The following CYP2J2 variants were observed in gnomAD, a reference collection of about 807,000 sequenced individuals.
The protein encoded by CYP2J2 is cytochrome P450 2J2.
Under a neutral mutation model 48.8 loss-of-function variants are expected in CYP2J2, and 41 were observed. The observed-to-expected ratio is 0.84, with a 90% CI of 0.66 to 1.09. The LOEUF (loss-of-function observed/expected upper bound fraction) is 1.09. Ranked by LOEUF, CYP2J2 falls within the 50% of genes least tolerant of loss-of-function variation. CYP2J2 has a pLI of 0.00. For synonymous variants in CYP2J2, 221 were observed against 227.1 expected (o/e 0.97, Z 0.24); for missense variants, 644 against 617.3 (o/e 1.04, Z -0.46).
At chr1:59,946,522 G>T in the CYP2J2 span, among the ~76,000 whole-genome samples, 2 of 152,186 alleles carry the variant, frequency 1.3e-5, no homozygotes, top group African/African-American at 4.8e-5. Context: ...TAGAATGTGA[G>T]CTCCATGAGG....
chr1:59,947,003 C>T, the CYP2J2 span, among the ~76,000 whole-genome samples: 2 of 151,530 alleles, frequency 1.3e-5, no homozygotes, highest in South Asian at 2.1e-4. Context: ...GATGGGAAAA[C>T]GAAGACATAG....
the CYP2J2 span, among the ~76,000 whole-genome samples, chr1:59,938,676 C>T: frequency 5.3e-5 from 8 of 152,310 alleles, no homozygotes; most frequent in East Asian, 3.9e-4. Context: ...AGACCTTCCT[C>T]TATCTCAACT....
chr1:59,942,588 A>G, the CYP2J2 span, among the ~76,000 whole-genome samples: 1 of 152,052 alleles, frequency 6.6e-6, no homozygotes, highest in Admixed American at 6.6e-5. Context: ...AAGGAGTGAC[A>G]TGATCTGATT....
At chr1:59,931,470 A>AT (rs202198893), upstream of CYP2J2, among the ~76,000 whole-genome samples, 674 of 152,000 alleles carry the variant, frequency 4.4e-3, 3 homozygotes, top group African/African-American at 0.015. Flanking sequence ...CATTGTGTAC[A>AT]TTTTTTTTAA....
intron 5 of CYP2J2, 24 bp from the exon 6 acceptor site, chr1:59,907,951 T>G (rs1431548103): frequency 6.2e-7 from 1 of 1,612,614 alleles, no homozygotes; most frequent in Admixed American, 1.7e-5. Context: ...TGTTTGATGT[T>G]ATTTATTGGT....
chr1:59,927,055 A>G (rs1574265230), upstream of CYP2J2, among the ~76,000 whole-genome samples: 1 of 152,228 alleles, frequency 6.6e-6, no homozygotes, highest in East Asian at 1.9e-4. Flanking sequence ...GTAAACAGCG[A>G]TAACAACAGC....
At chr1:59,963,544 T>G in the CYP2J2 span, among the ~76,000 whole-genome samples, 165 of 152,346 alleles carry the variant, frequency 1.1e-3, no homozygotes, top group African/African-American at 3.8e-3. Context: ...TGGATGATAT[T>G]CCATTGTATG....
chr1:59,955,623 A>G, the CYP2J2 span, among the ~76,000 whole-genome samples: 1 of 152,254 alleles, frequency 6.6e-6, no homozygotes, highest in African/African-American at 2.4e-5. Flanking sequence ...AACATCACCA[A>G]TGAGGGACAC....
At chr1:59,903,316 C>T (rs967149054) in intron 7 of CYP2J2, among the ~76,000 whole-genome samples, 15 of 152,160 alleles carry the variant, frequency 9.9e-5, no homozygotes, top group African/African-American at 3.6e-4. Flanking sequence ...AGGAAAGGAA[C>T]TGAAAATGTG....
chr1:59,959,517 CATCA>C, the CYP2J2 span, among the ~76,000 whole-genome samples: 3 of 151,788 alleles, frequency 2.0e-5, no homozygotes, highest in East Asian at 1.9e-4. Context: ...CCCAAATGCC[CATCA>C]ATCAATAAGT....
chr1:59,942,821 A>G, the CYP2J2 span, among the ~76,000 whole-genome samples: 2 of 152,170 alleles, frequency 1.3e-5, no homozygotes, highest in Non-Finnish European at 2.9e-5. Context: ...ATAAAAAATA[A>G]TGATAATAAC....
intron 7 of CYP2J2, 52 bp downstream of exon 7, chr1:59,904,819 A>T (rs373025278): frequency 3.9e-5 from 58 of 1,477,446 alleles, no homozygotes; most frequent in Non-Finnish European, 3.3e-5. Flanking sequence ...TCACTTCTCA[A>T]GTTCAAGTTT....
At chr1:59,957,994 T>C in the CYP2J2 span, among the ~76,000 whole-genome samples, 3 of 152,184 alleles carry the variant, frequency 2.0e-5, no homozygotes, top group Non-Finnish European at 1.5e-5. Flanking sequence ...AGGATTTAAA[T>C]TGATGGTAAG....
At chr1:59,941,034 A>G in the CYP2J2 span, among the ~76,000 whole-genome samples, 3 of 152,220 alleles carry the variant, frequency 2.0e-5, no homozygotes, top group East Asian at 5.8e-4. Context: ...CTTAATGGTT[A>G]CAAATATACA....
At chr1:59,961,647 T>C in the CYP2J2 span, among the ~76,000 whole-genome samples, 2 of 152,122 alleles carry the variant, frequency 1.3e-5, no homozygotes, top group Non-Finnish European at 2.9e-5. Flanking sequence ...AAAACACATG[T>C]CCACATAAAA....
At chr1:59,940,190 T>C in the CYP2J2 span, among the ~76,000 whole-genome samples, 1 of 152,202 alleles carries the variant, frequency 6.6e-6, no homozygotes, top group Non-Finnish European at 1.5e-5. Context: ...AAGTCTCTCC[T>C]AAAGCCAGAA....
At chr1:59,917,838 G>A (rs1345217403) in intron 1 of CYP2J2, among the ~76,000 whole-genome samples, 1 of 152,178 alleles carries the variant, frequency 6.6e-6, no homozygotes, top group East Asian at 1.9e-4. Context: ...AATCCGAAGG[G>A]CTTCATTTCC....
chr1:59,901,580 C>T (rs758873755), intron 7 of CYP2J2, among the ~76,000 whole-genome samples: 1 of 152,166 alleles, frequency 6.6e-6, no homozygotes, highest in Non-Finnish European at 1.5e-5. Flanking sequence ...GCACCCCACT[C>T]CCCATGGTAG....
chr1:59,957,756 A>G, the CYP2J2 span, among the ~76,000 whole-genome samples: 3 of 151,998 alleles, frequency 2.0e-5, no homozygotes, highest in Non-Finnish European at 2.9e-5. Flanking sequence ...TGAAAAGGCA[A>G]AAGGCTTACC....
Sources: gnomAD v4.1 joint callset for allele counts (sites outside exome capture counted in the v4.1 genomes callset) on GRCh38, gnomAD v4.1.1 for gene constraint, MANE v1.5 for transcripts, NCBI Gene and HGNC (gene_info 2026-07-23, HGNC 2026-07-21) for gene names.